The following ZNF595 variants were observed in gnomAD, a reference collection of about 807,000 sequenced individuals.
ZNF595 encodes the protein zinc finger protein 595.
A neutral mutation model predicts 19.4 loss-of-function variants in ZNF595; 9 were observed. The observed-to-expected ratio is 0.46, with a 90% CI of 0.28 to 0.81. ZNF595 has a LOEUF of 0.81. Among genes scored for constraint, ZNF595 ranks in the 30% least tolerant of loss-of-function variants. The pLI, the probability that ZNF595 is intolerant of heterozygous loss-of-function variation, is 0.11. For missense variants in ZNF595, 729 were observed against 736.0 expected, an observed-to-expected ratio of 0.99 and a Z score of 0.11; for synonymous variants, 255 against 255.9, an observed-to-expected ratio of 1.00 and a Z score of 0.03.
intron 3 of ZNF595, among the ~76,000 whole-genome samples, chr4:85,434 T>TAA: frequency 6.6e-6 from 1 of 152,318 alleles, no homozygotes; most frequent in East Asian, 1.9e-4. Context: ...CAATGCTATA[T>TAA]TGGGGAGGAG....
chr4:75,783 T>C (rs1191581323), intron 3 of ZNF595, among the ~76,000 whole-genome samples: 9 of 151,772 alleles, frequency 5.9e-5, no homozygotes, highest in Non-Finnish European at 1.3e-4. Flanking sequence ...TGTATGTATC[T>C]ACTACAGATT....
chr4:76,555 G>A (rs1214853032), intron 3 of ZNF595, among the ~76,000 whole-genome samples: 3 of 151,850 alleles, frequency 2.0e-5, no homozygotes, highest in South Asian at 4.2e-4. Context: ...ACTTTTATAT[G>A]TTTTCTTGTT....
In ZNF595 at chr4:86,117, T is replaced by C. The variant is rs1553801245; in HGVS notation, c.613T>C (p.Cys205Arg). Residue 205 changes from cysteine (C) to arginine (R), a missense_variant, in exon 4 of 4, where the codon TGT becomes CGT. Cys to Arg is a radical substitution (Grantham distance 180). This residue lies in a region of ZNF595 where 729 missense variants were observed against 675.3 expected (regional missense o/e 1.08). Coordinates refer to ENST00000610261, the MANE Select transcript of ZNF595 (RefSeq NM_182524.4). ...AGEKPYKCEK[C>R]GKAFNRSTSL... is the part of the protein sequence containing the mutation. Reference sequence around the variant, plus strand: ...AGAGAAACCCTACAAATGTGAAAAATGTGGCAAAGCCTTTAATAGGTCCAC... The same window carrying C: ...AGAGAAACCCTACAAATGTGAAAAACGTGGCAAAGCCTTTAATAGGTCCAC... 6.2e-7 allele frequency: 1 copy of C among 1,613,650 alleles called. No homozygotes were observed. The highest frequency in any genetic ancestry group is 1.3e-5 in the African/African-American group (1 of 75,020).
rs1553801652 is a variant in ZNF595, at chr4:86,583, G to A, written c.1079G>A (p.Ser360Asn). 2 of 1,612,730 alleles carry A rather than the reference G, an allele frequency of 1.2e-6. No homozygotes were observed. Among genetic ancestry groups the A allele is most frequent in the Non-Finnish European group, 1.7e-6 (2 of 1,179,614 alleles). Residue 360 changes from serine to asparagine, a missense_variant, in exon 4 of 4, where the codon AGC becomes AAC. By Grantham distance (46) the Ser-to-Asn change is conservative. Transcript: ENST00000610261. Reference protein sequence around the residue: ...NQSSSLIIHRSIHSEQKLYKC... With the variant: ...NQSSSLIIHRNIHSEQKLYKC... ...TCCTCAAGTCTTATTATACACAGGA[G>A]CATTCATTCTGAACAAAAACTTTAC...
intron 3 of ZNF595, among the ~76,000 whole-genome samples, chr4:77,359 AT>A (rs1713716044): frequency 6.6e-6 from 1 of 151,532 alleles, no homozygotes; most frequent in Non-Finnish European, 1.5e-5. Flanking sequence ...TCTCATTGAC[AT>A]TCCTTAAGAT....
At chr4:72,887 A>C (rs1553798078) in intron 3 of ZNF595, among the ~76,000 whole-genome samples, 1 of 152,204 alleles carries the variant, frequency 6.6e-6, no homozygotes, top group Non-Finnish European at 1.5e-5. Flanking sequence ...GGATGTAATC[A>C]GTAGCCCAGT....
At chr4:75,421 C>G (rs893793469) in intron 3 of ZNF595, among the ~76,000 whole-genome samples, 5 of 152,154 alleles carry the variant, frequency 3.3e-5, no homozygotes, top group African/African-American at 4.8e-5. Context: ...TAGACCCACT[C>G]TCATCATGAC....
chr4:80,097 A>G (rs1186439683), intron 3 of ZNF595, among the ~76,000 whole-genome samples: 1 of 152,146 alleles, frequency 6.6e-6, no homozygotes, highest in African/African-American at 2.4e-5. Flanking sequence ...ATCTCAGCTC[A>G]CTGCAACCTC....
Position 83,745 on chromosome 4 carries a change from AAAT to A in ZNF595, c.227-1982_227-1980del, listed in dbSNP as rs1157863293. Among the ~76,000 whole-genome samples, 3 of 152,022 alleles carry A rather than the reference AAAT, an allele frequency of 2.0e-5. No individual in the cohort carries two copies. The East Asian group carries it at 5.8e-4, about 29-fold the overall frequency. Reference sequence around the variant, plus strand: ...TGCAAAGATTACTTCATAAATATTTAAATAATTTGCTGAAATGGAAAGGCTTAT... The same window carrying A: ...TGCAAAGATTACTTCATAAATATTTAAATTTGCTGAAATGGAAAGGCTTAT... On this transcript the variant is annotated intron_variant, in intron 3 of 3. Transcript: ENST00000610261.
intron 3 of ZNF595, 125 bp from the exon 4 acceptor site, chr4:85,606 G>C (rs1360723739): frequency 8.8e-7 from 1 of 1,142,492 alleles, no homozygotes; most frequent in Non-Finnish European, 1.2e-6. Flanking sequence ...AAGAAATTAT[G>C]GCCTGTGATA....
rs754944734 is a variant in ZNF595 at position 87,862 on chromosome 4, C to A, written c.*411C>A. ...CAGCCTCATGAGTAGCTGTGACTAC[C>A]GGCAGGTGCCACCATGCCCAGCTAA... On this transcript the variant is annotated 3_prime_UTR_variant, in exon 4 of 4. Transcript: ENST00000610261. The A allele has an allele frequency of 1, 153,003 of 153,070 alleles. 76,468 individuals carry two copies. The highest frequency in any genetic ancestry group is 1 in the Middle Eastern group (294 of 294). The allele number at this position is 153,070 out of a possible 1,614,324, so 9.5% of individuals were successfully genotyped here.
intron 3 of ZNF595, among the ~76,000 whole-genome samples, chr4:75,021 T>G (rs1008437644): frequency 6.6e-6 from 1 of 152,172 alleles, no homozygotes; most frequent in Non-Finnish European, 1.5e-5. Context: ...AGATCTTTTT[T>G]TCATGACAGA....
intron 3 of ZNF595, among the ~76,000 whole-genome samples, chr4:84,125 A>T (rs572797375): frequency 6.6e-6 from 1 of 152,180 alleles, no homozygotes; most frequent in Admixed American, 6.5e-5. Context: ...CAACTTTGTT[A>T]TTAATGTCAC....
intron 3 of ZNF595, among the ~76,000 whole-genome samples, chr4:69,185 T>C (rs1309125948): frequency 6.6e-6 from 1 of 152,230 alleles, no homozygotes; most frequent in African/African-American, 2.4e-5. Flanking sequence ...TTCTAAATCT[T>C]GGCTAATGTG....
rs1714107006 is a variant in ZNF595, at chr4:85,731, C to T, written c.227C>T (p.Ala76Val). Residue 76 changes from alanine to valine, a missense_variant and splice_region_variant, in exon 4 of 4, where the codon GCT becomes GTT. Around this residue, in one of 2 missense-constraint regions of ZNF595, gnomAD observed 729 missense variants for 675.3 expected, o/e 1.08. Transcript: ENST00000610261. ...AATTTGTTATTTTTATTTCTTTCAG[C>T]TATATGTTCTCCTTTCAGCCAAGAC... ...KIHETAAKPPAICSPFSQDLS... is the reference protein window; with the variant it reads ...KIHETAAKPPVICSPFSQDLS... 12 of 1,553,852 alleles carry T rather than the reference C, an allele frequency of 7.7e-6. No homozygotes were observed. The highest frequency in any genetic ancestry group is 8.7e-6 in the Non-Finnish European group (10 of 1,152,668).
chr4:70,853 T>C (rs974601294), intron 3 of ZNF595, among the ~76,000 whole-genome samples: 5 of 152,230 alleles, frequency 3.3e-5, no homozygotes, highest in Admixed American at 2.0e-4. Flanking sequence ...TCTGTCTACA[T>C]TGTAGAATTG....
intron 3 of ZNF595, among the ~76,000 whole-genome samples, chr4:71,168 A>G (rs879970619): frequency 6.6e-6 from 1 of 152,164 alleles, no homozygotes; most frequent in Non-Finnish European, 1.5e-5. Context: ...ATATGGAAAC[A>G]CTACTAATTT....
intron 3 of ZNF595, among the ~76,000 whole-genome samples, chr4:78,299 C>T (rs1043007142): frequency 7.9e-5 from 12 of 152,182 alleles, no homozygotes; most frequent in African/African-American, 2.7e-4. Flanking sequence ...TGAGCCACCG[C>T]GCCCGACCTT....
At chr4:61,979 C>T (rs1304898316) in intron 3 of ZNF595, among the ~76,000 whole-genome samples, 1 of 140,436 alleles carries the variant, frequency 7.1e-6, no homozygotes, top group Non-Finnish European at 1.5e-5. Context: ...AGTTGATGAA[C>T]ACATTTATTA....
Sources: allele counts gnomAD v4.1 joint callset (sites outside exome capture counted in the v4.1 genomes callset), GRCh38; gene constraint gnomAD v4.1.1; regional missense constraint gnomAD v4.1.1; transcripts MANE v1.5; gene names NCBI Gene and HGNC (gene_info 2026-07-23, HGNC 2026-07-21).